KCNIP4: variants seen among roughly 807,000 people sequenced by gnomAD.
KCNIP4 encodes Kv channel-interacting protein 4.
Under a neutral mutation model 34.0 loss-of-function variants are expected in KCNIP4, and 12 were observed. The ratio of observed to expected loss-of-function variants is 0.35; its 90% CI spans 0.23 to 0.57. KCNIP4 has a LOEUF of 0.57. KCNIP4 is among the 20% of genes least tolerant of loss of function. KCNIP4 has a pLI of 0.83. For missense variants in KCNIP4, 238 were observed against 311.7 expected (o/e 0.76, Z 1.78); for synonymous variants, 124 against 102.2 (o/e 1.21, Z -1.29).
chr4:21,486,948 T>C (rs1731975143), intron 1 of KCNIP4, among the ~76,000 whole-genome samples: 2 of 151,668 alleles, frequency 1.3e-5, no homozygotes, highest in African/African-American at 4.8e-5. Context: ...CAGGTGTGCA[T>C]CATCACACCT....
At chr4:21,398,126 G>T (rs1311254045) in intron 1 of KCNIP4, among the ~76,000 whole-genome samples, 2 of 152,144 alleles carry the variant, frequency 1.3e-5, no homozygotes, top group African/African-American at 2.4e-5. Context: ...TTTGGTCAAG[G>T]TTAAGTCTGG....
chr4:21,178,469 A>ACTGCCTATTCTAAGTGTTTGCTTCCTCC, intron 1 of KCNIP4, among the ~76,000 whole-genome samples: 1 of 151,710 alleles, frequency 6.6e-6, no homozygotes, highest in African/African-American at 2.4e-5. Flanking sequence ...AAGGTAGTGG[A>ACTGCCTATTCTAAGTGTTTGCTTCCTCC]TTCACAGACC....
intron 3 of KCNIP4, among the ~76,000 whole-genome samples, chr4:20,795,422 G>T (rs1713324249): frequency 6.6e-6 from 1 of 152,054 alleles, no homozygotes; most frequent in Non-Finnish European, 1.5e-5. Context: ...ATTAATATCA[G>T]TTTTCATAGT....
At chr4:21,146,666 A>G (rs2043386) in intron 1 of KCNIP4, among the ~76,000 whole-genome samples, 53,252 of 152,090 alleles carry the variant, frequency 0.35, 9,470 homozygotes, top group African/African-American at 0.4. Context: ...GTTTACACAC[A>G]TCAAGTGTCT....
At chr4:21,296,537 A>G (rs981928757) in intron 1 of KCNIP4, among the ~76,000 whole-genome samples, 1 of 151,626 alleles carries the variant, frequency 6.6e-6, no homozygotes, top group Non-Finnish European at 1.5e-5. Flanking sequence ...AACAAGCAGG[A>G]GAGGGAGGTG....
intron 1 of KCNIP4, among the ~76,000 whole-genome samples, chr4:21,259,021 G>T (rs1026335184): frequency 3.3e-5 from 5 of 152,104 alleles, no homozygotes; most frequent in Non-Finnish European, 5.9e-5. Flanking sequence ...GGATGTGAAG[G>T]ACTTACTATT....
intron 1 of KCNIP4, among the ~76,000 whole-genome samples, chr4:21,597,546 G>C (rs953054621): frequency 9.2e-5 from 14 of 152,156 alleles, no homozygotes; most frequent in Middle Eastern, 6.8e-3. Flanking sequence ...TGAGGGGAGG[G>C]CCACATCACC....
At chr4:21,726,594 T>C (rs1715213031) in intron 1 of KCNIP4, among the ~76,000 whole-genome samples, 1 of 152,176 alleles carries the variant, frequency 6.6e-6, no homozygotes, top group African/African-American at 2.4e-5. Context: ...TTTCAGGAAA[T>C]GTTTGCTAAG....
chr4:21,785,053 A>G (rs1460441541), intron 1 of KCNIP4, among the ~76,000 whole-genome samples: 1 of 152,168 alleles, frequency 6.6e-6, no homozygotes. Flanking sequence ...GGTTTAAACT[A>G]CACGTACAGC....
At chr4:21,583,369 A>G (rs1344434214) in intron 1 of KCNIP4, among the ~76,000 whole-genome samples, 4 of 151,936 alleles carry the variant, frequency 2.6e-5, no homozygotes, top group African/African-American at 9.7e-5. Context: ...CAAAATTAAG[A>G]TTAAAATATC....
chr4:21,320,488 A>T lies in KCNIP4; in HGVS notation c.62-437779T>A, dbSNP rs192745192. Among the ~76,000 whole-genome samples, 235 of 152,284 alleles carry T rather than the reference A, an allele frequency of 1.5e-3. 1 individual carries two copies. The highest frequency in any genetic ancestry group is 1.5e-3 in the East Asian group (8 of 5,176). ...GTGTTGGGTAGAACTGGTTAAGAACAATGATGGTGAGATCTTATATGTGTT... is the reference window on the plus strand; with the variant it reads ...GTGTTGGGTAGAACTGGTTAAGAACTATGATGGTGAGATCTTATATGTGTT... On this transcript the variant is annotated intron_variant, in intron 1 of 8. Transcript: ENST00000382152.
chr4:21,261,880 C>T (rs73249527), intron 1 of KCNIP4, among the ~76,000 whole-genome samples: 3,035 of 152,276 alleles, frequency 0.02, 44 homozygotes, highest in Middle Eastern at 0.048. Flanking sequence ...TTACACTTCT[C>T]ATGGTGGTTA....
chr4:21,037,311 G>A (rs780994665), intron 1 of KCNIP4, among the ~76,000 whole-genome samples: 2 of 152,086 alleles, frequency 1.3e-5, no homozygotes, highest in Non-Finnish European at 2.9e-5. Context: ...CACTCCCCTG[G>A]CTCACCCAAA....
chr4:21,478,772 G>T (rs1004757330), intron 1 of KCNIP4, among the ~76,000 whole-genome samples: 7 of 152,088 alleles, frequency 4.6e-5, no homozygotes, highest in African/African-American at 7.2e-5. Flanking sequence ...TGTGATTATA[G>T]GGTTTCTAGA....
At chr4:21,820,328 T>C (rs1287008606) in intron 1 of KCNIP4, among the ~76,000 whole-genome samples, 1 of 140,560 alleles carries the variant, frequency 7.1e-6, no homozygotes, top group Non-Finnish European at 1.5e-5. Context: ...TATATATACA[T>C]ATATACACAT....
intron 1 of KCNIP4, among the ~76,000 whole-genome samples, chr4:21,064,397 C>T (rs1421498376): frequency 1.3e-5 from 2 of 149,562 alleles, no homozygotes; most frequent in Admixed American, 6.6e-5. Context: ...CTCCCGTTAC[C>T]TCACAGGAAA....
chr4:21,216,773 C>T (rs922430871), intron 1 of KCNIP4, among the ~76,000 whole-genome samples: 1 of 151,946 alleles, frequency 6.6e-6, no homozygotes, highest in African/African-American at 2.4e-5. Flanking sequence ...AGAAGACTGT[C>T]CTAAACCCTG....
At chr4:20,763,593 G>A (rs1003573432) in intron 3 of KCNIP4, among the ~76,000 whole-genome samples, 4 of 152,152 alleles carry the variant, frequency 2.6e-5, no homozygotes, top group African/African-American at 7.2e-5. Context: ...AAGAAGTCTG[G>A]TATGGCCAGA....
chr4:21,237,298 G>A (rs950200067), intron 1 of KCNIP4, among the ~76,000 whole-genome samples: 14 of 152,106 alleles, frequency 9.2e-5, no homozygotes, highest in East Asian at 3.9e-4. Flanking sequence ...ATTTTATAAC[G>A]AGGGAGATGA....
Sources: gnomAD v4.1 joint callset for allele counts (sites outside exome capture counted in the v4.1 genomes callset) on GRCh38, gnomAD v4.1.1 for gene constraint, MANE v1.5 for transcripts, NCBI Gene and HGNC (gene_info 2026-07-23, HGNC 2026-07-21) for gene names.